The following NEBL variants were observed in gnomAD, a reference collection of about 807,000 sequenced individuals.
The protein encoded by NEBL is nebulette.
A neutral mutation model predicts 140.2 loss-of-function variants in NEBL; 122 were observed. That is an observed-to-expected ratio of 0.87 (90% CI 0.75 to 1.01). The LOEUF is 1.01. Among genes scored for constraint, NEBL ranks in the 50% least tolerant of loss-of-function variants. The pLI, the probability that NEBL is intolerant of heterozygous loss-of-function variation, is 0.00. For synonymous variants in NEBL, 436 were observed against 398.9 expected (o/e 1.09, Z -1.11); for missense variants, 1,365 against 1,231.3 (o/e 1.11, Z -1.62).
intron 4 of NEBL, among the ~76,000 whole-genome samples, chr10:20,920,413 CTAGT>C (rs1393398229): frequency 6.6e-6 from 1 of 152,068 alleles, no homozygotes; most frequent in African/African-American, 2.4e-5. Flanking sequence ...CAACAAGGGA[CTAGT>C]TAAAGAAATT....
intron 3 of NEBL, among the ~76,000 whole-genome samples, chr10:21,184,442 A>T (rs1841432742): frequency 6.6e-6 from 1 of 152,186 alleles, no homozygotes; most frequent in Admixed American, 6.5e-5. Context: ...TATTGTACAA[A>T]AGTGCACGGT....
At chr10:20,915,318 A>G (rs1848500560) in intron 4 of NEBL, among the ~76,000 whole-genome samples, 1 of 151,536 alleles carries the variant, frequency 6.6e-6, no homozygotes, top group Non-Finnish European at 1.5e-5. Flanking sequence ...GGTTAGTTAC[A>G]TATGTATACA....
intron 3 of NEBL, among the ~76,000 whole-genome samples, chr10:21,189,613 C>T (rs886803805): frequency 7.9e-5 from 12 of 152,056 alleles, no homozygotes; most frequent in African/African-American, 2.7e-4. Context: ...TACAGGCGCC[C>T]GCCACCGCGC....
intron 5 of NEBL, among the ~76,000 whole-genome samples, chr10:20,873,388 CAAT>C (rs1459501790): frequency 2.0e-5 from 3 of 151,986 alleles, no homozygotes; most frequent in Admixed American, 6.6e-5. Context: ...ACTTGAGGGC[CAAT>C]AATTGCTTTT....
intron 1 of NEBL, among the ~76,000 whole-genome samples, chr10:21,256,794 G>A (rs189439211): frequency 2.6e-5 from 4 of 152,320 alleles, no homozygotes; most frequent in Non-Finnish European, 4.4e-5. Flanking sequence ...AGCTCTGATC[G>A]TAGCACTGCA....
At chr10:20,789,937 ATATATATATGTG>A (rs1835802231) in intron 26 of NEBL, among the ~76,000 whole-genome samples, 1 of 150,242 alleles carries the variant, frequency 6.7e-6, no homozygotes, top group Non-Finnish European at 1.5e-5. Context: ...GTATATGTGT[ATATATATATGTG>A]TGTGTATATA....
chr10:20,972,457 A>C (rs1836614804), intron 3 of NEBL, among the ~76,000 whole-genome samples: 1 of 152,072 alleles, frequency 6.6e-6, no homozygotes, highest in Non-Finnish European at 1.5e-5. Context: ...TTTAAAAATC[A>C]ATATAGGCCA....
At chr10:21,078,899 C>T (rs538091623) in intron 2 of NEBL, among the ~76,000 whole-genome samples, 1 of 152,204 alleles carries the variant, frequency 6.6e-6, no homozygotes, top group African/African-American at 2.4e-5. Flanking sequence ...GCTCCCAGAT[C>T]CAGGGGATGA....
At chr10:20,930,628 G>T (rs1438065494) in intron 4 of NEBL, among the ~76,000 whole-genome samples, 1 of 152,096 alleles carries the variant, frequency 6.6e-6, no homozygotes, top group Non-Finnish European at 1.5e-5. Context: ...TCTCTCCACT[G>T]ATGACACACC....
At chr10:21,027,318 CT>C (rs991223103) in intron 2 of NEBL, among the ~76,000 whole-genome samples, 2 of 131,972 alleles carry the variant, frequency 1.5e-5, no homozygotes, top group African/African-American at 2.6e-5. Context: ...AAAACAACAA[CT>C]TTTTTTGTTT....
intron 1 of NEBL, among the ~76,000 whole-genome samples, chr10:21,291,232 G>T (rs768509797): frequency 6.6e-6 from 1 of 152,112 alleles, no homozygotes; most frequent in African/African-American, 2.4e-5. Context: ...GAGGCCAGGC[G>T]CAGTGGCTCA....
intron 4 of NEBL, among the ~76,000 whole-genome samples, chr10:20,911,847 T>C (rs1055991977): frequency 1.3e-5 from 2 of 152,206 alleles, no homozygotes; most frequent in African/African-American, 4.8e-5. Context: ...AATGATCTCA[T>C]GAGGAGTTCA....
chr10:21,103,415 A>G (rs555939925), intron 2 of NEBL, among the ~76,000 whole-genome samples: 21 of 152,178 alleles, frequency 1.4e-4, no homozygotes, highest in South Asian at 8.3e-4. Context: ...GGGTTTCACC[A>G]TGTTAGCCAG....
chr10:21,130,402 A>G (rs1280365277), intron 2 of NEBL, among the ~76,000 whole-genome samples: 3 of 152,178 alleles, frequency 2.0e-5, no homozygotes, highest in African/African-American at 7.2e-5. Context: ...AATCAACAGC[A>G]TATCATTGAC....
chr10:20,840,105 T>G (rs150152264), intron 13 of NEBL, among the ~76,000 whole-genome samples: 120 of 152,228 alleles, frequency 7.9e-4, no homozygotes, highest in African/African-American at 2.1e-3. Flanking sequence ...TCGTCATCGC[T>G]ATCATCATCA....
intron 2 of NEBL, among the ~76,000 whole-genome samples, chr10:21,062,181 C>T (rs952908021): frequency 6.6e-6 from 1 of 152,056 alleles, no homozygotes; most frequent in Non-Finnish European, 1.5e-5. Context: ...TCAGCAGGTG[C>T]AATGGGACAA....
chr10:21,282,150 C>T (rs923692356), intron 1 of NEBL, among the ~76,000 whole-genome samples: 26 of 152,130 alleles, frequency 1.7e-4, no homozygotes, highest in African/African-American at 6.3e-4. Flanking sequence ...GATCAGTAAA[C>T]ATCTGCAACA....
At chr10:21,287,136 T>C (rs1381425702) in intron 1 of NEBL, among the ~76,000 whole-genome samples, 2 of 152,114 alleles carry the variant, frequency 1.3e-5, no homozygotes, top group Non-Finnish European at 2.9e-5. Context: ...AGTACCGGCA[T>C]CCATCACAAA....
chr10:20,945,044 C>T (rs1360188330), intron 4 of NEBL, among the ~76,000 whole-genome samples: 2 of 152,160 alleles, frequency 1.3e-5, no homozygotes, highest in Non-Finnish European at 1.5e-5. Context: ...CTAAAAAATA[C>T]TTTTTAGTTA....
Sources: gnomAD v4.1 joint callset for allele counts (sites outside exome capture counted in the v4.1 genomes callset) on GRCh38, gnomAD v4.1.1 for gene constraint, MANE v1.5 for transcripts, NCBI Gene and HGNC (gene_info 2026-07-23, HGNC 2026-07-21) for gene names.